The following PRSS53 variants were observed in gnomAD, a reference collection of about 807,000 sequenced individuals.
PRSS53 encodes serine protease 53.
Under a neutral mutation model 62.7 loss-of-function variants are expected in PRSS53, and 54 were observed. The observed-to-expected ratio is 0.86, with a 90% CI of 0.69 to 1.08. PRSS53 has a LOEUF of 1.08. Ranked by LOEUF, PRSS53 falls within the 50% of genes least tolerant of loss-of-function variation. PRSS53 has a pLI of 0.00. For missense variants in PRSS53, 688 were observed against 728.3 expected (o/e 0.94, Z 0.64); for synonymous variants, 273 against 300.0 (o/e 0.91, Z 0.93).
chr16:31,085,729 C>T (rs952726776), intron 6 of PRSS53, among the ~76,000 whole-genome samples: 1 of 152,212 alleles, frequency 6.6e-6, no homozygotes, highest in African/African-American at 2.4e-5. Flanking sequence ...AAGCCTGCCA[C>T]TTCCCCAGAA....
intron 7 of PRSS53, 29 bp from the exon 8 acceptor site, chr16:31,085,053 G>C (rs745937671): frequency 1.9e-6 from 3 of 1,610,274 alleles, no homozygotes; most frequent in Non-Finnish European, 1.7e-6. Flanking sequence ...GACGGCACCA[G>C]GTGACAGGGC....
At chr16:31,084,734 G>A in intron 8 of PRSS53, 31 bp from the exon 9 acceptor site, 6 of 1,600,134 alleles carry the variant, frequency 3.7e-6, no homozygotes, top group Non-Finnish European at 5.1e-6. Context: ...GGCTGCCCCG[G>A]CCTGCAGGTT....
At chr16:31,085,045 C>T (rs757463088) in intron 7 of PRSS53, 21 bp from the exon 8 acceptor site, 19 of 1,607,324 alleles carry the variant, frequency 1.2e-5, no homozygotes, top group East Asian at 4.5e-5. Context: ...GCAGTGTGGA[C>T]GGCACCAGGT....
At chr16:31,086,105 T>A (rs200516209) in exon 6 of PRSS53, 1 of 1,613,684 alleles carries the variant, frequency 6.2e-7, no homozygotes, top group South Asian at 1.1e-5. Flanking sequence ...TGGGCACAGC[T>A]TGATGCAAAG....
exon 11 of PRSS53, chr16:31,083,679 C>T: frequency 6.3e-7 from 1 of 1,589,238 alleles, no homozygotes; most frequent in Non-Finnish European, 8.6e-7. Context: ...TGCTGGGCTT[C>T]TGGGCCTGCC....
chr16:31,087,051 C>T, intron 3 of PRSS53, 153 bp from the exon 4 acceptor site: 3 of 759,252 alleles, frequency 4.0e-6, no homozygotes, highest in South Asian at 4.1e-5. Flanking sequence ...GGCTGCAGTG[C>T]AGTGGCATGA....
exon 11 of PRSS53, chr16:31,083,720 G>A: frequency 6.2e-7 from 1 of 1,612,666 alleles, no homozygotes; most frequent in Non-Finnish European, 8.5e-7. Context: ...TGACAGGGTG[G>A]GGAGGACAGG....
chr16:31,088,312 G>A, intron 1 of PRSS53: 1 of 1,118,074 alleles, frequency 8.9e-7, no homozygotes, highest in South Asian at 2.5e-5. Context: ...CCCAGAAACT[G>A]TCTGAGAGCC....
In PRSS53 at chr16:31,087,700, C is replaced by T. The variant is rs770309552; in HGVS notation, c.80-1G>A. 5 of 1,613,528 alleles carry T rather than the reference C, an allele frequency of 3.1e-6. No individual in the cohort carries two copies. The highest frequency in any genetic ancestry group is 1.7e-5 in the Admixed American group (1 of 59,932). ...GGGCCGGGGCCACGCTGTCCACAGG[C>T]TGTGGAAAGGAGTTAGTCACACTGA... is the stretch of plus-strand genomic sequence containing the variant. On this transcript the variant is annotated splice_acceptor_variant, in intron 2 of 10. Transcript: ENST00000280606. LOFTEE classifies it high-confidence loss of function.
In PRSS53 at chr16:31,086,000, C is replaced by T. The variant is rs1227140673; in HGVS notation, c.847G>A (p.Glu283Lys). Residue 283 changes from glutamate (E) to lysine (K), a missense_variant, in exon 6 of 11, where the codon GAG becomes AAG. Glu to Lys is a moderately conservative substitution (Grantham distance 56, BLOSUM62 1). Coordinates refer to ENST00000280606, the Ensembl canonical transcript of PRSS53. ...TCCTCATCACTCATCTCCGGGGTCT[C>T]TGGGCTCTGGGCCAGGAAAGCTGCC... 6.2e-7 allele frequency: 1 copy of T among 1,613,978 alleles called. No individual in the cohort carries two copies. Among genetic ancestry groups the T allele is most frequent in the Non-Finnish European group, 8.5e-7 (1 of 1,180,044 alleles).
At chr16:31,083,634 G>A in exon 11 of PRSS53, 1 of 1,516,830 alleles carries the variant, frequency 6.6e-7, no homozygotes, top group African/African-American at 1.4e-5. Flanking sequence ...TGGGGAGTGG[G>A]CACCTGTGGC....
At chr16:31,087,968 T>C in intron 1 of PRSS53, 142 bp from the exon 2 acceptor site, 1 of 1,538,572 alleles carries the variant, frequency 6.5e-7, no homozygotes, top group South Asian at 1.2e-5. Context: ...AGAATGAAAA[T>C]ATTTATATGA....
At chr16:31,088,132 C>T (rs1243320695) in intron 1 of PRSS53, 2 of 1,347,888 alleles carry the variant, frequency 1.5e-6, no homozygotes, top group African/African-American at 2.9e-5. Context: ...GCCCCCGCCA[C>T]TGAGTCAGCC....
intron 1 of PRSS53, chr16:31,088,536 C>T (rs770743843): frequency 7.0e-7 from 1 of 1,429,508 alleles, no homozygotes; most frequent in Non-Finnish European, 9.2e-7. Context: ...ACCACAGGCC[C>T]CGCCAACGCA....
chr16:31,083,440 A>G, exon 11 of PRSS53: 9 of 1,299,962 alleles, frequency 6.9e-6, no homozygotes, highest in Non-Finnish European at 8.9e-6. Context: ...TCTAAAGTCT[A>G]TTTTGTAACA....
chr16:31,084,292 C>T lies in PRSS53; in HGVS notation c.1469G>A (p.Trp490Ter). ...GAAGCTGTGCAGCCCGGCCAGGAAC[C>T]ATGTGCCCCTCACCTCATGCACCAG... Residue 490 changes from tryptophan to a stop codon, truncating the protein, a stop_gained, in exon 10 of 11, where the codon TGG (tryptophan) becomes TAG (stop). Transcript: ENST00000280606. LOFTEE classifies it high-confidence loss of function. 1 of 1,613,050 alleles carries T rather than the reference C, an allele frequency of 6.2e-7. No homozygotes were observed. The highest frequency in any genetic ancestry group is 8.5e-7 in the Non-Finnish European group (1 of 1,179,918).
At chr16:31,086,693 G>A in exon 4 of PRSS53, 1 of 1,558,988 alleles carries the variant, frequency 6.4e-7, no homozygotes, top group Non-Finnish European at 8.7e-7. Flanking sequence ...GGGAAGCGAT[G>A]GGCGGGCTGG....
At chr16:31,084,824 T>A (rs1257661807) in exon 8 of PRSS53, 1 of 1,544,236 alleles carries the variant, frequency 6.5e-7, no homozygotes, top group South Asian at 1.2e-5. Context: ...ACGCTCCCCA[T>A]CAGGCAGGTG....
At chr16:31,083,863 T>G in intron 10 of PRSS53, 54 bp from the exon 11 acceptor site, 2 of 1,370,732 alleles carry the variant, frequency 1.5e-6, no homozygotes, top group Non-Finnish European at 2.0e-6. Flanking sequence ...CTTTGGTCCC[T>G]CCCTCCCTCC....
Sources: gnomAD v4.1 joint callset for allele counts (sites outside exome capture counted in the v4.1 genomes callset) on GRCh38, gnomAD v4.1.1 for gene constraint, MANE v1.5 for transcripts, NCBI Gene and HGNC (gene_info 2026-07-23, HGNC 2026-07-21) for gene names.